The following CNOT4 variants were observed in gnomAD, a reference collection of about 807,000 sequenced individuals.
CNOT4 encodes the protein CCR4-associated factor 4.
CNOT4 carries 8 observed loss-of-function variants against 73.8 expected under a neutral mutation model. The ratio of observed to expected loss-of-function variants is 0.11; its 90% CI spans 0.06 to 0.20. CNOT4 has a LOEUF of 0.20. CNOT4 is among the 10% of genes least tolerant of loss of function. The probability of loss-of-function intolerance (pLI) is 1.00; values close to 1 mark genes in which losing one functional copy is unlikely to be tolerated. For synonymous variants in CNOT4, 293 were observed against 321.1 expected (o/e 0.91, Z 0.94); for missense variants, 564 against 883.4 (o/e 0.64, Z 4.58).
intron 7 of CNOT4, among the ~76,000 whole-genome samples, chr7:135,404,188 G>C (rs1290486182): frequency 6.6e-6 from 1 of 152,168 alleles, no homozygotes; most frequent in Admixed American, 6.5e-5. Flanking sequence ...AACTTTTCAA[G>C]AGAAATAAGG....
chr7:135,411,859 T>G (rs568398722), intron 6 of CNOT4, among the ~76,000 whole-genome samples: 1 of 152,100 alleles, frequency 6.6e-6, no homozygotes, highest in East Asian at 1.9e-4. Context: ...TTGTTTCTAT[T>G]GGACCTATAA....
chr7:135,427,088 G>A (rs897182266), intron 2 of CNOT4, among the ~76,000 whole-genome samples: 1 of 152,028 alleles, frequency 6.6e-6, no homozygotes, highest in African/African-American at 2.4e-5. Flanking sequence ...GGTTGCCTAT[G>A]GAGAAGTATT....
At chr7:135,416,705 G>C (rs1797894385) in intron 3 of CNOT4, among the ~76,000 whole-genome samples, 1 of 152,144 alleles carries the variant, frequency 6.6e-6, no homozygotes, top group African/African-American at 2.4e-5. Flanking sequence ...AGGTTGTCCT[G>C]CATCAGCATC....
At chr7:135,382,324 T>C (rs1795891694) in intron 10 of CNOT4, among the ~76,000 whole-genome samples, 2 of 152,156 alleles carry the variant, frequency 1.3e-5, no homozygotes, top group Non-Finnish European at 1.5e-5. Context: ...TGACCAGCAA[T>C]GTTAGGTGGC....
At chr7:135,384,967 C>G (rs1796049894) in intron 10 of CNOT4, among the ~76,000 whole-genome samples, 1 of 152,222 alleles carries the variant, frequency 6.6e-6, no homozygotes, top group Non-Finnish European at 1.5e-5. Flanking sequence ...CACCACAGAT[C>G]TAACCAAATC....
chr7:135,393,537 A>T (rs549191256), intron 10 of CNOT4, among the ~76,000 whole-genome samples: 10 of 152,156 alleles, frequency 6.6e-5, no homozygotes, highest in Non-Finnish European at 1.2e-4. Flanking sequence ...CATTAAAAAA[A>T]TTTTTTTTAA....
At chr7:135,440,843 C>G (rs959506226) in intron 1 of CNOT4, among the ~76,000 whole-genome samples, 12 of 151,388 alleles carry the variant, frequency 7.9e-5, no homozygotes, top group African/African-American at 2.9e-4. Flanking sequence ...TGCTTGAACC[C>G]AGGAGGCGGA....
chr7:135,502,940 G>A (rs576003522), intron 1 of CNOT4, among the ~76,000 whole-genome samples: 1 of 146,860 alleles, frequency 6.8e-6, no homozygotes, highest in Admixed American at 6.8e-5. Context: ...ATCACCTGAG[G>A]TCAGGAGTTT....
chr7:135,502,056 C>T (rs897534126), intron 1 of CNOT4, among the ~76,000 whole-genome samples: 3 of 152,204 alleles, frequency 2.0e-5, no homozygotes, highest in African/African-American at 7.2e-5. Flanking sequence ...TGCTCTTCTA[C>T]CTTACACCAT....
At chr7:135,459,141 C>T (rs1800722354) in intron 1 of CNOT4, among the ~76,000 whole-genome samples, 1 of 152,038 alleles carries the variant, frequency 6.6e-6, no homozygotes, top group African/African-American at 2.4e-5. Flanking sequence ...CAACATTAAT[C>T]TCCTTGTACA....
chr7:135,493,335 T>C (rs1038819440), intron 1 of CNOT4, among the ~76,000 whole-genome samples: 2 of 152,164 alleles, frequency 1.3e-5, no homozygotes, highest in Admixed American at 6.5e-5. Flanking sequence ...CCAGGAAATG[T>C]AGTTTCAAGT....
In CNOT4 at chr7:135,484,515, G is replaced by A. The variant is rs952483346; in HGVS notation, c.-93+25374C>T. 2.0e-5 allele frequency among the ~76,000 whole-genome samples: 3 copies of A among 152,124 alleles called. No homozygotes were observed. In the South Asian group the frequency reaches 6.2e-4, roughly 32 times the overall value. On this transcript the variant is annotated intron_variant, in intron 1 of 11. Coordinates refer to ENST00000541284, the MANE Select transcript of CNOT4 (RefSeq NM_001190850.2). ...TTTGTGCCTGTAATCCCAGCACTTT[G>A]AGAGCTGAGTCGGGCAGATCACTTG...
chr7:135,507,042 G>T (rs1020611187), intron 1 of CNOT4, among the ~76,000 whole-genome samples: 9 of 151,992 alleles, frequency 5.9e-5, no homozygotes, highest in African/African-American at 2.2e-4. Flanking sequence ...TTCCTTTAAA[G>T]CACACAAAAT....
At chr7:135,407,278 T>C (rs1179220533) in intron 7 of CNOT4, among the ~76,000 whole-genome samples, 7 of 152,334 alleles carry the variant, frequency 4.6e-5, no homozygotes, top group Non-Finnish European at 8.8e-5. Context: ...TATTTCTTTA[T>C]AGCAATGCAA....
intron 1 of CNOT4, among the ~76,000 whole-genome samples, chr7:135,484,527 G>A (rs1239027190): frequency 6.6e-6 from 1 of 151,776 alleles, no homozygotes; most frequent in Non-Finnish European, 1.5e-5. Context: ...GAGCTGAGTC[G>A]GGCAGATCAC....
intron 10 of CNOT4, among the ~76,000 whole-genome samples, chr7:135,373,901 T>C (rs1795366342): frequency 6.6e-6 from 1 of 152,150 alleles, no homozygotes; most frequent in East Asian, 1.9e-4. Context: ...TCTTGAGAAA[T>C]TTCTAAAACA....
At chr7:135,498,146 T>C (rs573874991) in intron 1 of CNOT4, among the ~76,000 whole-genome samples, 1 of 151,502 alleles carries the variant, frequency 6.6e-6, no homozygotes. Context: ...CATTCATATG[T>C]AGGAAGCCTG....
intron 10 of CNOT4, among the ~76,000 whole-genome samples, chr7:135,392,815 G>A (rs762575446): frequency 1.3e-5 from 2 of 152,086 alleles, no homozygotes; most frequent in Admixed American, 1.3e-4. Flanking sequence ...AATATTGTCG[G>A]TCCCAAAGGG....
intron 4 of CNOT4, among the ~76,000 whole-genome samples, chr7:135,414,655 G>A (rs1301389582): frequency 6.6e-6 from 1 of 151,958 alleles, no homozygotes; most frequent in African/African-American, 2.4e-5. Context: ...TGTAATATAT[G>A]TGAATAAAAT....
Sources: gnomAD v4.1 joint callset for allele counts (sites outside exome capture counted in the v4.1 genomes callset) on GRCh38, gnomAD v4.1.1 for gene constraint, MANE v1.5 for transcripts, NCBI Gene and HGNC (gene_info 2026-07-23, HGNC 2026-07-21) for gene names.